Variants in PCED1B observed in about 807,000 individuals in gnomAD.
PCED1B encodes the protein PC-esterase domain-containing protein 1B.
For synonymous variants in PCED1B, 251 were observed against 246.1 expected (o/e 1.02, Z -0.19); for missense variants, 573 against 573.9 (o/e 1.00, Z 0.02).
At chr12:47,137,537 T>C (rs1205265220) in intron 2 of PCED1B, among the ~76,000 whole-genome samples, 1 of 151,998 alleles carries the variant, frequency 6.6e-6, no homozygotes, top group African/African-American at 2.4e-5. Flanking sequence ...CATTTCAGCC[T>C]GGGCAGCATG....
At chr12:47,172,732 T>C (rs1391922076) in intron 2 of PCED1B, among the ~76,000 whole-genome samples, 1 of 152,172 alleles carries the variant, frequency 6.6e-6, no homozygotes, top group East Asian at 1.9e-4. Flanking sequence ...GGAGATCATA[T>C]GTGTAAAAGA....
At chr12:47,088,883 T>C (rs739706) in intron 1 of PCED1B, among the ~76,000 whole-genome samples, 62,336 of 152,038 alleles carry the variant, frequency 0.41, 13,122 homozygotes, top group Admixed American at 0.52. Flanking sequence ...AACTACTGGA[T>C]GCCTAAATTC....
chr12:47,103,144 T>C (rs1938789895), intron 1 of PCED1B, among the ~76,000 whole-genome samples: 1 of 152,184 alleles, frequency 6.6e-6, no homozygotes, highest in Non-Finnish European at 1.5e-5. Context: ...TTCTGAACTT[T>C]TGGCAGAGGA....
intron 2 of PCED1B, among the ~76,000 whole-genome samples, chr12:47,140,972 T>C (rs971324280): frequency 1.3e-4 from 20 of 152,186 alleles, no homozygotes; most frequent in African/African-American, 4.1e-4. Flanking sequence ...TACTTTCAGC[T>C]GACAGACTAC....
chr12:47,183,416 A>G (rs529102975), intron 2 of PCED1B, among the ~76,000 whole-genome samples: 53 of 152,354 alleles, frequency 3.5e-4, no homozygotes, highest in South Asian at 8.3e-4. Flanking sequence ...GTGTTTCCTA[A>G]CATGTGCTCT....
intron 2 of PCED1B, among the ~76,000 whole-genome samples, chr12:47,162,032 A>G (rs955213086): frequency 6.6e-6 from 1 of 151,054 alleles, no homozygotes; most frequent in Non-Finnish European, 1.5e-5. Context: ...CAAACACCGC[A>G]TGTTCTCACT....
chr12:47,131,433 A>T (rs916403152), intron 2 of PCED1B, among the ~76,000 whole-genome samples: 3 of 152,170 alleles, frequency 2.0e-5, no homozygotes, highest in Non-Finnish European at 4.4e-5. Flanking sequence ...GTTAGGATAA[A>T]TGTGTAAAAA....
At chr12:47,225,944 TTA>T (rs1260576609) in intron 3 of PCED1B, among the ~76,000 whole-genome samples, 1 of 152,156 alleles carries the variant, frequency 6.6e-6, no homozygotes, top group East Asian at 1.9e-4. Context: ...AAGATAAATG[TTA>T]TGTGTTTGGG....
chr12:47,160,658 T>C (rs1261617389), intron 2 of PCED1B, among the ~76,000 whole-genome samples: 1 of 152,112 alleles, frequency 6.6e-6, no homozygotes, highest in Non-Finnish European at 1.5e-5. Context: ...ACAAATCCAA[T>C]GTTTTGATGC....
At chr12:47,154,970 C>T (rs1941143785) in intron 2 of PCED1B, among the ~76,000 whole-genome samples, 2 of 151,990 alleles carry the variant, frequency 1.3e-5, no homozygotes. Flanking sequence ...TAGCAGGAAT[C>T]CATGGGGTGG....
intron 1 of PCED1B, among the ~76,000 whole-genome samples, chr12:47,094,367 A>G (rs1938388629): frequency 6.6e-6 from 1 of 152,182 alleles, no homozygotes; most frequent in Admixed American, 6.5e-5. Flanking sequence ...CTAATCTGAC[A>G]GTATTTTACT....
At chr12:47,208,111 G>A (rs1480332881) in intron 2 of PCED1B, among the ~76,000 whole-genome samples, 1 of 152,120 alleles carries the variant, frequency 6.6e-6, no homozygotes, top group African/African-American at 2.4e-5. Flanking sequence ...TTTTCCCAGG[G>A]TCTTGATTCT....
chr12:47,117,521 A>G (rs538326852), intron 2 of PCED1B, among the ~76,000 whole-genome samples: 1 of 152,222 alleles, frequency 6.6e-6, no homozygotes, highest in Non-Finnish European at 1.5e-5. Context: ...TACAAAGGAC[A>G]TGAACTCATC....
At chr12:47,183,282 C>A (rs903609866) in intron 2 of PCED1B, among the ~76,000 whole-genome samples, 1 of 152,192 alleles carries the variant, frequency 6.6e-6, no homozygotes, top group African/African-American at 2.4e-5. Flanking sequence ...TAGAAAACTT[C>A]TGAACTGTCT....
intron 2 of PCED1B, among the ~76,000 whole-genome samples, chr12:47,151,441 A>G (rs1421784123): frequency 2.0e-5 from 3 of 152,210 alleles, no homozygotes; most frequent in Admixed American, 2.0e-4. Context: ...TGCAGTCTAC[A>G]ATGTTCACAC....
intron 2 of PCED1B, among the ~76,000 whole-genome samples, chr12:47,153,881 C>T (rs1941096632): frequency 6.6e-6 from 1 of 152,182 alleles, no homozygotes; most frequent in Non-Finnish European, 1.5e-5. Context: ...ACCTGCTGTG[C>T]TCCAGGCTAG....
At chr12:47,220,021 C>G (rs1461745638) in intron 3 of PCED1B, among the ~76,000 whole-genome samples, 2 of 145,428 alleles carry the variant, frequency 1.4e-5, no homozygotes, top group South Asian at 4.3e-4. Context: ...TGCAGTGAGC[C>G]GTGATCATGC....
At chr12:47,114,146 C>T (rs1190365599) in intron 2 of PCED1B, among the ~76,000 whole-genome samples, 1 of 152,104 alleles carries the variant, frequency 6.6e-6, no homozygotes, top group Non-Finnish European at 1.5e-5. Context: ...CACACTTGTA[C>T]AGAGAGAGCA....
At chr12:47,117,323 A>G (rs1939467613) in intron 2 of PCED1B, among the ~76,000 whole-genome samples, 1 of 152,056 alleles carries the variant, frequency 6.6e-6, no homozygotes, top group Non-Finnish European at 1.5e-5. Flanking sequence ...CATTAGGTGT[A>G]TCTCCTAATG....
Sources: gnomAD v4.1 joint callset for allele counts (sites outside exome capture counted in the v4.1 genomes callset) on GRCh38, gnomAD v4.1.1 for gene constraint, MANE v1.5 for transcripts, NCBI Gene and HGNC (gene_info 2026-07-23, HGNC 2026-07-21) for gene names.